The following KCNIP1 variants were observed in gnomAD, a reference collection of about 807,000 sequenced individuals.
KCNIP1 encodes A-type potassium channel modulatory protein KCNIP1.
KCNIP1 carries 18 observed loss-of-function variants against 33.0 expected under a neutral mutation model. The ratio of observed to expected loss-of-function variants is 0.55; its 90% CI spans 0.38 to 0.81. The LOEUF (loss-of-function observed/expected upper bound fraction) is 0.81, where lower values mean the gene tolerates loss of function less well. Among genes scored for constraint, KCNIP1 ranks in the 30% least tolerant of loss-of-function variants. The probability of loss-of-function intolerance (pLI) is 0.00; values close to 1 mark genes in which losing one functional copy is unlikely to be tolerated. For synonymous variants in KCNIP1, 93 were observed against 98.3 expected (o/e 0.95, Z 0.32); for missense variants, 238 against 271.6 (o/e 0.88, Z 0.87).
At chr5:170,460,690 T>A (rs879875536) in intron 1 of KCNIP1, among the ~76,000 whole-genome samples, 29 of 152,114 alleles carry the variant, frequency 1.9e-4, no homozygotes, top group Non-Finnish European at 3.7e-4. Flanking sequence ...GGGACATACC[T>A]CAGTGTAATA....
chr5:170,518,014 C>T (rs547913182), intron 1 of KCNIP1, among the ~76,000 whole-genome samples: 4 of 148,268 alleles, frequency 2.7e-5, no homozygotes, highest in East Asian at 2.0e-4. Flanking sequence ...GTGGTGGTGA[C>T]GATAGTGATG....
At chr5:170,461,895 A>G (rs542715202) in intron 1 of KCNIP1, among the ~76,000 whole-genome samples, 3 of 152,208 alleles carry the variant, frequency 2.0e-5, no homozygotes, top group African/African-American at 7.2e-5. Flanking sequence ...TAGTGCTGGG[A>G]TAATTGGCAA....
At chr5:170,684,146 A>T (rs1289530708) in intron 1 of KCNIP1, among the ~76,000 whole-genome samples, 3 of 152,226 alleles carry the variant, frequency 2.0e-5, no homozygotes, top group Non-Finnish European at 4.4e-5. Context: ...GCCATTTATC[A>T]GTTGTGTGAG....
At chr5:170,722,536 G>T (rs527755767) in intron 4 of KCNIP1, among the ~76,000 whole-genome samples, 177 bp from the exon 5 acceptor site, 6 of 152,060 alleles carry the variant, frequency 3.9e-5, no homozygotes, top group South Asian at 4.1e-4. Flanking sequence ...AAAAAATGGG[G>T]CAGGGTAGGG....
intron 1 of KCNIP1, among the ~76,000 whole-genome samples, chr5:170,675,971 C>G (rs993624645): frequency 2.9e-5 from 3 of 103,470 alleles, no homozygotes; most frequent in Non-Finnish European, 5.4e-5. Flanking sequence ...ATAGGTAAGA[C>G]TTTTTAATCT....
chr5:170,606,019 C>T (rs1403916053), intron 1 of KCNIP1, among the ~76,000 whole-genome samples: 1 of 152,156 alleles, frequency 6.6e-6, no homozygotes, highest in African/African-American at 2.4e-5. Flanking sequence ...AGGTGATCTG[C>T]CCACCTCGGC....
At chr5:170,531,422 G>T (rs996469964) in intron 1 of KCNIP1, among the ~76,000 whole-genome samples, 5 of 152,160 alleles carry the variant, frequency 3.3e-5, no homozygotes, top group African/African-American at 1.2e-4. Flanking sequence ...GAGGTGGTGA[G>T]GTTCCAGGGA....
intron 1 of KCNIP1, among the ~76,000 whole-genome samples, chr5:170,679,626 A>AGTGTGTGTGTGTGT (rs58712710): frequency 7.6e-4 from 110 of 144,498 alleles, no homozygotes; most frequent in South Asian, 4.3e-3. Flanking sequence ...TGTATATGAC[A>AGTGTGTGTGTGTGT]GTGTGTGTGT....
intron 1 of KCNIP1, among the ~76,000 whole-genome samples, chr5:170,494,901 A>T (rs543126248): frequency 1.7e-4 from 26 of 152,260 alleles, no homozygotes; most frequent in Non-Finnish European, 3.7e-4. Context: ...GGCGAATTAC[A>T]CCATGCCTCT....
chr5:170,720,286 A>G, intron 2 of KCNIP1, 35 bp from the exon 3 acceptor site: 4 of 1,555,382 alleles, frequency 2.6e-6, no homozygotes, highest in Non-Finnish European at 3.5e-6. Flanking sequence ...GCTGGCCCTC[A>G]AATGCCTCCC....
intron 1 of KCNIP1, among the ~76,000 whole-genome samples, chr5:170,553,899 G>A (rs1312241209): frequency 2.0e-5 from 3 of 152,208 alleles, no homozygotes; most frequent in African/African-American, 4.8e-5. Flanking sequence ...GAGAAAGTCC[G>A]TGAGATGTTT....
chr5:170,371,562 T>G (rs1340658138), intron 1 of KCNIP1, among the ~76,000 whole-genome samples: 1 of 152,182 alleles, frequency 6.6e-6, no homozygotes, highest in African/African-American at 2.4e-5. Flanking sequence ...AACTTCTGCC[T>G]TGGGGCAAGT....
chr5:170,393,947 A>G (rs1390342760), intron 1 of KCNIP1, among the ~76,000 whole-genome samples: 1 of 152,200 alleles, frequency 6.6e-6, no homozygotes, highest in Non-Finnish European at 1.5e-5. Flanking sequence ...TTTTTTTAAA[A>G]AAATGCTTTT....
At chr5:170,612,036 C>T (rs933649065) in intron 1 of KCNIP1, among the ~76,000 whole-genome samples, 2 of 152,216 alleles carry the variant, frequency 1.3e-5, no homozygotes, top group African/African-American at 2.4e-5. Flanking sequence ...CCCCACACCT[C>T]GATTAATCCA....
At chr5:170,541,019 T>C (rs540308248) in intron 1 of KCNIP1, among the ~76,000 whole-genome samples, 1 of 152,342 alleles carries the variant, frequency 6.6e-6, no homozygotes, top group South Asian at 2.1e-4. Context: ...GACAATCTCA[T>C]ATGTGATCTT....
At chr5:170,694,197 A>G (rs1490458587) in intron 1 of KCNIP1, among the ~76,000 whole-genome samples, 2 of 152,240 alleles carry the variant, frequency 1.3e-5, no homozygotes, top group African/African-American at 4.8e-5. Context: ...GACTATTAAA[A>G]ATAAATTAAT....
intron 1 of KCNIP1, among the ~76,000 whole-genome samples, chr5:170,603,634 G>A (rs759004206): frequency 6.6e-6 from 1 of 152,120 alleles, no homozygotes; most frequent in African/African-American, 2.4e-5. Context: ...GGGTAGGGAC[G>A]CAGTGGTGAC....
At chr5:170,368,130 A>T (rs1371085643) in intron 1 of KCNIP1, among the ~76,000 whole-genome samples, 1 of 152,244 alleles carries the variant, frequency 6.6e-6, no homozygotes, top group African/African-American at 2.4e-5. Context: ...AAAAAACTGT[A>T]TGATGAATGC....
At chr5:170,361,457 A>G (rs1261315775) in intron 1 of KCNIP1, among the ~76,000 whole-genome samples, 1 of 151,970 alleles carries the variant, frequency 6.6e-6, no homozygotes, top group Non-Finnish European at 1.5e-5. Context: ...CACAAAGCTA[A>G]CCTTGGTCCC....
Sources: allele counts gnomAD v4.1 joint callset (sites outside exome capture counted in the v4.1 genomes callset), GRCh38; gene constraint gnomAD v4.1.1; transcripts MANE v1.5; gene names NCBI Gene and HGNC (gene_info 2026-07-23, HGNC 2026-07-21).